Variants in BMP3 observed in about 807,000 individuals in gnomAD.
The protein encoded by BMP3 is bone morphogenetic protein 3 (osteogenic).
Under a neutral mutation model 38.1 loss-of-function variants are expected in BMP3, and 23 were observed. The ratio of observed to expected loss-of-function variants is 0.60; its 90% CI spans 0.43 to 0.86. BMP3 has a LOEUF of 0.86. Among genes scored for constraint, BMP3 ranks in the 40% least tolerant of loss-of-function variants. BMP3 has a pLI of 0.00. For missense variants in BMP3, 628 were observed against 579.6 expected (o/e 1.08, Z -0.86); for synonymous variants, 258 against 225.7 (o/e 1.14, Z -1.28).
intron 1 of BMP3, among the ~76,000 whole-genome samples, chr4:81,032,211 A>AAAC (rs1553913129): frequency 8.2e-5 from 12 of 146,572 alleles, no homozygotes; most frequent in South Asian, 6.5e-4. Flanking sequence ...AAAAAAAAAA[A>AAAC]AAAAAAAAAC....
chr4:81,032,204 A>AAAC (rs778160939), intron 1 of BMP3, among the ~76,000 whole-genome samples: 27 of 116,002 alleles, frequency 2.3e-4, no homozygotes, highest in Admixed American at 4.1e-4. Flanking sequence ...CAAAAAAAAA[A>AAAC]AAAAAAAAAA....
At chr4:81,039,995 G>GA (rs1740027165) in intron 1 of BMP3, among the ~76,000 whole-genome samples, 1 of 152,128 alleles carries the variant, frequency 6.6e-6, no homozygotes, top group East Asian at 1.9e-4. Flanking sequence ...TTATCAAGGA[G>GA]AAAAATCGTG....
intron 1 of BMP3, among the ~76,000 whole-genome samples, chr4:81,032,018 C>T (rs376263311): frequency 1.3e-5 from 2 of 151,980 alleles, no homozygotes; most frequent in South Asian, 2.1e-4. Flanking sequence ...TACTAAGAGG[C>T]AGATGCCATT....
Position 81,031,407 on chromosome 4 carries a change from G to T in BMP3, c.123G>T (p.Thr41=), listed in dbSNP as rs202167056. 5 of 1,613,708 alleles carry T rather than the reference G, an allele frequency of 3.1e-6. No homozygotes were observed. Among genetic ancestry groups the T allele is most frequent in the South Asian group, 2.2e-5 (2 of 90,986 alleles). ...GCAAAGCTGTGCCAGGTGACCGCAC[G>T]GCAGGTGGTGGCCCGGACTCCGAGC... ...ELRKAVPGDR[T]AGGGPDSELQ... Residue 41 remains threonine (T), a synonymous_variant, in exon 1 of 3, where the codon ACG becomes ACT. Transcript: ENST00000282701.
chr4:81,053,934 G>A lies in BMP3; in HGVS notation c.*398G>A, dbSNP rs7678312. 0.93 allele frequency: 143,040 copies of A among 153,342 alleles called. 67,457 individuals are homozygous for A. The highest frequency in any genetic ancestry group is 1 in the East Asian group (5,192 of 5,192). The allele number at this position is 153,342 out of a possible 1,614,324, so 9.5% of individuals were successfully genotyped here. On this transcript the variant is annotated 3_prime_UTR_variant, in exon 3 of 3. Transcript: ENST00000282701. ...CTAATGGGAAATAGAGAACAATTTC[G>A]CGTTTTGAATTAGGCTTATTGCCTT...
rs375358054 is a variant in BMP3, at chr4:81,055,574, G to A, written c.*2038G>A. Reference sequence around the variant, plus strand: ...CCAGAGTGTGGCCACCATCCTGATCGTACTGTTTTTCAATAAAGAAAACTT... The same window carrying A: ...CCAGAGTGTGGCCACCATCCTGATCATACTGTTTTTCAATAAAGAAAACTT... On this transcript the variant is annotated 3_prime_UTR_variant, in exon 3 of 3. Transcript: ENST00000282701. 15 of 152,144 alleles carry A rather than the reference G, an allele frequency of 9.9e-5. No individual in the cohort carries two copies. Among genetic ancestry groups the A allele is most frequent in the East Asian group, 1.9e-4 (1 of 5,198 alleles). The allele number at this position is 152,144 out of a possible 1,614,324, so 9.4% of individuals were successfully genotyped here.
chr4:81,053,345 T>C lies in BMP3; in HGVS notation c.1228T>C (p.Ser410Pro). The change falls in exon 3 of 3, where the codon TCT (serine) becomes CCT (proline). Residue 410 changes from serine to proline, a missense_variant and splice_region_variant. Physicochemically the swap from Ser to Pro is moderately conservative, Grantham distance 74. Coordinates refer to ENST00000282701, the MANE Select transcript of BMP3 (RefSeq NM_001201.5). ...SGACQFPMPK[S>P]LKPSNHATIQ... ...GTTCTTCTTTCATTTCTTTCTCTAG[T>C]CTTTGAAGCCATCAAATCATGCTAC... 1 of 1,555,474 alleles carries C rather than the reference T, an allele frequency of 6.4e-7. No individual in the cohort carries two copies. The highest frequency in any genetic ancestry group is 8.7e-7 in the Non-Finnish European group (1 of 1,155,610).
rs1740582963 is a variant in BMP3, at chr4:81,056,825, C to T, written c.*3289C>T. 1.3e-5 allele frequency: 2 copies of T among 152,574 alleles called. No individual in the cohort carries two copies. Among genetic ancestry groups the T allele is most frequent in the Non-Finnish European group, 2.9e-5 (2 of 68,036 alleles). 9.5% of individuals were successfully genotyped at this position (152,574 alleles called of 1,614,324 possible). A position where few individuals can be genotyped will look rare whatever the true frequency, so the allele number is the denominator to read the frequency against. The stretch of plus-strand genomic sequence containing the variant: ...CCCATTTAATATTTTCATAGGCAAT[C>T]AAATGTGAGTAATACTGCTAAGAGT... On this transcript the variant is annotated 3_prime_UTR_variant, in exon 3 of 3. Transcript: ENST00000282701.
At position 81,057,514 on chromosome 4, in the gene BMP3, TA is replaced by T. The variant is rs1740606120; in HGVS notation, c.*3983del. 1 of 152,090 alleles carries T rather than the reference TA, an allele frequency of 6.6e-6. No individual in the cohort carries two copies. The highest frequency in any genetic ancestry group is 2.4e-5 in the African/African-American group (1 of 41,460). 9.4% of individuals were successfully genotyped at this position (152,090 alleles called of 1,614,324 possible). On this transcript the variant is annotated 3_prime_UTR_variant, in exon 3 of 3. Transcript: ENST00000282701. ...AGCTATTCATTATACAGTATGGAAA[TA>T]AAAATTGCTTCATTGACCATTCATT...
chr4:81,057,302 A>G lies in BMP3; in HGVS notation c.*3766A>G, dbSNP rs1033938494. ...TTGCCTTCCTATAATAATAATTTTC[A>G]TCCTTAATTATGATAATACTTTTAG... On this transcript the variant is annotated 3_prime_UTR_variant, in exon 3 of 3. Transcript: ENST00000282701. 1 of 151,898 alleles carries G rather than the reference A, an allele frequency of 6.6e-6. No individual in the cohort carries two copies. Among genetic ancestry groups the G allele is most frequent in the Admixed American group, 6.6e-5 (1 of 15,254 alleles). 9.4% of individuals were successfully genotyped at this position (151,898 alleles called of 1,614,324 possible).
intron 1 of BMP3, among the ~76,000 whole-genome samples, chr4:81,034,136 A>G (rs1739857522): frequency 6.6e-6 from 1 of 152,130 alleles, no homozygotes; most frequent in Admixed American, 6.5e-5. Flanking sequence ...TTAAACCATT[A>G]CTTGATGGTG....
chr4:81,049,750 G>A (rs939652296), intron 2 of BMP3, among the ~76,000 whole-genome samples: 9 of 152,218 alleles, frequency 5.9e-5, no homozygotes, highest in East Asian at 1.9e-4. Context: ...TATCTGCACC[G>A]TGTCCAATAC....
At chr4:81,051,263 G>T (rs1224075527) in intron 2 of BMP3, among the ~76,000 whole-genome samples, 10 of 152,134 alleles carry the variant, frequency 6.6e-5, no homozygotes, top group Non-Finnish European at 2.9e-5. Context: ...ACTTGTATTT[G>T]TGTTGATAGG....
intron 2 of BMP3, among the ~76,000 whole-genome samples, chr4:81,048,488 A>G (rs1740319830): frequency 2.0e-5 from 3 of 152,140 alleles, no homozygotes; most frequent in Admixed American, 6.5e-5. Flanking sequence ...AGCCATGATA[A>G]TGCAGAGATA....
At chr4:81,048,800 G>A (rs1456685818) in intron 2 of BMP3, among the ~76,000 whole-genome samples, 1 of 152,334 alleles carries the variant, frequency 6.6e-6, no homozygotes, top group Non-Finnish European at 1.5e-5. Context: ...AAACCTTAAT[G>A]TCCTGGCAAA....
rs72870286 is a variant in BMP3 at position 81,052,703 on chromosome 4, C to T, written c.1228-642C>T. Among the ~76,000 whole-genome samples, 1,467 of 152,184 alleles carry T rather than the reference C, an allele frequency of 9.6e-3. 25 individuals carry two copies. The highest frequency in any genetic ancestry group is 0.031 in the African/African-American group (1,302 of 41,540). ...TCTTCTTACCCCCCAGTTTGTACTT[C>T]TAAGGAGAGTTGAATAATTACATAG... On this transcript the variant is annotated intron_variant, in intron 2 of 2. Transcript: ENST00000282701.
chr4:81,045,908 A>C lies in BMP3; in HGVS notation c.487A>C (p.Ile163Leu). 1 of 1,614,138 alleles carries C rather than the reference A, an allele frequency of 6.2e-7. No individual in the cohort carries two copies. The change falls in exon 2 of 3, where the codon ATT becomes CTT. Residue 163 changes from isoleucine to leucine, a missense_variant. By Grantham distance (5) the Ile-to-Leu change is conservative (BLOSUM62 2). Coordinates refer to ENST00000282701, the MANE Select transcript of BMP3 (RefSeq NM_001201.5). ...SHHAQRKHIQ[I>L]DLSAWTLKFS... is the part of the protein sequence containing the mutation. ...TCATGCTCAGAGGAAACACATTCAG[A>C]TTGATCTTTCTGCATGGACCCTCAA...
rs1356491910 is a variant in BMP3, at chr4:81,056,032, T to C, written c.*2496T>C. The C allele has an allele frequency of 2.6e-5, 4 of 152,144 alleles. No homozygotes were observed. The highest frequency in any genetic ancestry group is 5.9e-5 in the Non-Finnish European group (4 of 68,014). 9.4% of individuals were successfully genotyped at this position (152,144 alleles called of 1,614,324 possible). On this transcript the variant is annotated 3_prime_UTR_variant, in exon 3 of 3. Transcript: ENST00000282701. Reference sequence around the variant, plus strand: ...CAAGATTATCTTTCAGTAGTAGAGATTGAAGTAAATGTATTAATATTTTAA... The same window carrying C: ...CAAGATTATCTTTCAGTAGTAGAGACTGAAGTAAATGTATTAATATTTTAA...
chr4:81,051,487 A>G (rs1740398710), intron 2 of BMP3, among the ~76,000 whole-genome samples: 4 of 152,174 alleles, frequency 2.6e-5, no homozygotes, highest in Non-Finnish European at 5.9e-5. Context: ...CATTAAAATA[A>G]CAGAATAATT....
Sources: allele counts gnomAD v4.1 joint callset (sites outside exome capture counted in the v4.1 genomes callset), GRCh38; gene constraint gnomAD v4.1.1; transcripts MANE v1.5; gene names NCBI Gene and HGNC (gene_info 2026-07-23, HGNC 2026-07-21).